The following FUT8 variants were observed in gnomAD, a reference collection of about 807,000 sequenced individuals.
The protein encoded by FUT8 is fucosyltransferase 8, also known as alpha-(1,6)-fucosyltransferase.
FUT8 carries 29 observed loss-of-function variants against 71.3 expected under a neutral mutation model. That is an observed-to-expected ratio of 0.41 (90% CI 0.30 to 0.55). The LOEUF (loss-of-function observed/expected upper bound fraction) is 0.55. Ranked by LOEUF, FUT8 falls within the 20% of genes least tolerant of loss-of-function variation. The pLI is 0.34. For synonymous variants in FUT8, 254 were observed against 239.3 expected, an observed-to-expected ratio of 1.06 and a Z score of -0.57; for missense variants, 544 against 702.1, an observed-to-expected ratio of 0.77 and a Z score of 2.55.
rs977726409 is a variant in FUT8, at chr14:65,743,147, G to T, written c.*737G>T. On this transcript the variant is annotated 3_prime_UTR_variant, in exon 11 of 11. Coordinates refer to ENST00000673929, the MANE Select transcript of FUT8 (RefSeq NM_001371533.1). Reference sequence around the variant, plus strand: ...AAAATAAATTTTAAAAAGGAATTTTGTAAAGTTTCTAGAATTTTATATCAT... The same window carrying T: ...AAAATAAATTTTAAAAAGGAATTTTTTAAAGTTTCTAGAATTTTATATCAT... 3 of 152,148 alleles carry T rather than the reference G, an allele frequency of 2.0e-5. No individual in the cohort carries two copies. Among genetic ancestry groups the T allele is most frequent in the Non-Finnish European group, 4.4e-5 (3 of 67,858 alleles). 9.4% of individuals were successfully genotyped at this position (152,148 alleles called of 1,614,324 possible).
the FUT8 span, among the ~76,000 whole-genome samples, chr14:65,386,837 ATTT>A: frequency 6.1e-5 from 5 of 82,008 alleles, no homozygotes; most frequent in African/African-American, 8.5e-5. Flanking sequence ...TCTTCCTTTA[ATTT>A]TTTTTTTTTT....
At chr14:65,422,559 C>T (rs557024956) in intron 1 of FUT8, among the ~76,000 whole-genome samples, 1 of 152,146 alleles carries the variant, frequency 6.6e-6, no homozygotes, top group East Asian at 1.9e-4. Flanking sequence ...ATGCAAATGG[C>T]ATGATCATAG....
the FUT8 span, among the ~76,000 whole-genome samples, chr14:65,378,788 A>C: frequency 1.3e-5 from 2 of 151,326 alleles, no homozygotes; most frequent in Non-Finnish European, 2.9e-5. Flanking sequence ...CTTCCATGTA[A>C]AGAATTATGA....
At chr14:65,454,858 A>T (rs2065875009) in intron 1 of FUT8, among the ~76,000 whole-genome samples, 1 of 152,216 alleles carries the variant, frequency 6.6e-6, no homozygotes. Context: ...TGTGCCAAAC[A>T]TGATACTGGA....
chr14:65,563,557 C>T (rs938836275), intron 3 of FUT8, among the ~76,000 whole-genome samples: 3 of 151,982 alleles, frequency 2.0e-5, no homozygotes, highest in Non-Finnish European at 4.4e-5. Context: ...GGTATGAGAT[C>T]ACCAAGAATA....
At chr14:65,504,923 C>T (rs1188467087) in intron 2 of FUT8, among the ~76,000 whole-genome samples, 1 of 151,976 alleles carries the variant, frequency 6.6e-6, no homozygotes, top group Admixed American at 6.6e-5. Context: ...GGCTGGGCAA[C>T]AAGAGTGAAA....
At chr14:65,678,226 C>T (rs1367446717) in intron 7 of FUT8, among the ~76,000 whole-genome samples, 1 of 152,128 alleles carries the variant, frequency 6.6e-6, no homozygotes, top group East Asian at 1.9e-4. Context: ...ACTTTAACAG[C>T]CAACATTAAT....
At chr14:65,460,048 T>G (rs1369215635) in intron 2 of FUT8, among the ~76,000 whole-genome samples, 4 of 152,208 alleles carry the variant, frequency 2.6e-5, no homozygotes, top group African/African-American at 9.6e-5. Context: ...TACAGATTTT[T>G]GAGAGAAGAA....
At chr14:65,497,873 A>G (rs1416293856) in intron 2 of FUT8, among the ~76,000 whole-genome samples, 1 of 152,220 alleles carries the variant, frequency 6.6e-6, no homozygotes, top group African/African-American at 2.4e-5. Context: ...AGGGTGGGAA[A>G]GGAGAGCAGA....
rs1025154876 is a variant in FUT8, at chr14:65,669,767, A to G, written c.835+287A>G. 3.3e-5 allele frequency among the ~76,000 whole-genome samples: 5 copies of G among 152,196 alleles called. No individual in the cohort carries two copies. Among genetic ancestry groups the G allele is most frequent in the East Asian group, 1.9e-4 (1 of 5,188 alleles). ...ATAATAATGATATGACTTTCACTCT[A>G]TAAGATGATTTCACATTATTGAACT... On this transcript the variant is annotated intron_variant, in intron 7 of 10. Transcript: ENST00000673929. This position sits in a 1 kb window ranked among gnomAD's most constrained non-coding sequence, Gnocchi z 4.5.
chr14:65,368,600 C>A, the FUT8 span, among the ~76,000 whole-genome samples: 1 of 134,568 alleles, frequency 7.4e-6, no homozygotes, highest in Non-Finnish European at 1.6e-5. Flanking sequence ...CCGCTCACTG[C>A]AAGCTCCGCC....
Position 65,601,265 on chromosome 14 carries a change from A to C in FUT8, c.204-14713A>C, listed in dbSNP as rs76687658. Among the ~76,000 whole-genome samples, 738 of 152,326 alleles carry C rather than the reference A, an allele frequency of 4.8e-3. 8 individuals are homozygous for C. Among genetic ancestry groups the C allele is most frequent in the African/African-American group, 0.017 (700 of 41,578 alleles). On this transcript the variant is annotated intron_variant, in intron 3 of 10. Transcript: ENST00000673929. Reference sequence around the variant, plus strand: ...GAATAAAGTGATATTTTCTTTCAATAGTGGAACTGGCTTCTCCATGTATCG... The same window carrying C: ...GAATAAAGTGATATTTTCTTTCAATCGTGGAACTGGCTTCTCCATGTATCG...
At chr14:65,433,150 T>A (rs954711274) in intron 1 of FUT8, among the ~76,000 whole-genome samples, 1 of 152,224 alleles carries the variant, frequency 6.6e-6, no homozygotes, top group Admixed American at 6.5e-5. Flanking sequence ...TGGGATCCTG[T>A]AACAAAACTG....
chr14:65,575,155 A>G (rs1886686803), intron 3 of FUT8, among the ~76,000 whole-genome samples: 2 of 151,768 alleles, frequency 1.3e-5, no homozygotes, highest in Admixed American at 1.3e-4. Flanking sequence ...GGCTGTGTCC[A>G]AGGGTATAAA....
rs1893694142 is a variant in FUT8, at chr14:65,692,459, ACCCCCCCAC to A, written c.835+22981_835+22989del. On this transcript the variant is annotated intron_variant, in intron 7 of 10. Coordinates refer to ENST00000673929, the MANE Select transcript of FUT8 (RefSeq NM_001371533.1). Reference sequence around the variant, plus strand: ...GGGCGGCTGGCCGGGCGGGGGGCTGACCCCCCCACCTCCCTCCCAGACGGGGCGGCTGGC... The same window carrying A: ...GGGCGGCTGGCCGGGCGGGGGGCTGACTCCCTCCCAGACGGGGCGGCTGGC... Among the ~76,000 whole-genome samples the A allele has an allele frequency of 5.1e-4, 30 of 59,232 alleles. 1 individual carries two copies. In the Admixed American group the frequency reaches 5.3e-3, roughly 11 times the overall value. The allele number at this position is 59,232 out of a possible 152,430, so 38.9% of individuals were successfully genotyped here.
intron 2 of FUT8, among the ~76,000 whole-genome samples, chr14:65,522,528 G>A (rs1883150776): frequency 6.6e-6 from 1 of 152,106 alleles, no homozygotes; most frequent in Admixed American, 6.6e-5. Context: ...GAGTATTTGA[G>A]CATCAGGAGT....
intron 1 of FUT8, among the ~76,000 whole-genome samples, chr14:65,447,742 C>T (rs1301995530): frequency 2.6e-5 from 4 of 152,066 alleles, no homozygotes; most frequent in African/African-American, 9.7e-5. Context: ...AATTTTAGAT[C>T]TGGAGGAGAC....
intron 9 of FUT8, among the ~76,000 whole-genome samples, chr14:65,730,202 A>C (rs1418545577): frequency 6.6e-6 from 1 of 152,182 alleles, no homozygotes; most frequent in Non-Finnish European, 1.5e-5. Flanking sequence ...AACTTAAATG[A>C]TGTATAGTGT....
intron 2 of FUT8, among the ~76,000 whole-genome samples, chr14:65,486,032 A>G (rs551525904): frequency 3.3e-5 from 5 of 152,304 alleles, no homozygotes; most frequent in African/African-American, 4.8e-5. Flanking sequence ...TGACCTCCAT[A>G]TATAGCATAT....
Sources: allele counts gnomAD v4.1 joint callset (sites outside exome capture counted in the v4.1 genomes callset), GRCh38; gene constraint gnomAD v4.1.1; non-coding constraint Gnocchi (gnomAD v3.1); transcripts MANE v1.5; gene names NCBI Gene and HGNC (gene_info 2026-07-23, HGNC 2026-07-21).